The following CIT variants were observed in gnomAD, a reference collection of about 807,000 sequenced individuals.
CIT encodes citron rho-interacting serine/threonine kinase, also known as citron Rho-interacting kinase.
Under a neutral mutation model 272.7 loss-of-function variants are expected in CIT, and 79 were observed. That is an observed-to-expected ratio of 0.29 (90% CI 0.24 to 0.35). The LOEUF is 0.35. Among genes scored for constraint, CIT ranks in the 10% least tolerant of loss-of-function variants. CIT has a pLI of 1.00. For missense variants in CIT, 1,909 were observed against 2,618.3 expected (o/e 0.73, Z 5.91); for synonymous variants, 948 against 995.6 (o/e 0.95, Z 0.90).
Position 119,804,605 on chromosome 12 carries a change from G to T in CIT, c.1112-1216C>A. On this transcript the variant is annotated intron_variant, in intron 9 of 47. Coordinates refer to ENST00000392521, the MANE Select transcript of CIT (RefSeq NM_001206999.2). This position sits in a 1 kb window ranked among gnomAD's most constrained non-coding sequence, Gnocchi z 5.3. ...TTTAACTCCTCGTTTTCTGGACAAA[G>T]CTGGGTGCCAGATATGAGCAGCAAG... 1.9e-6 allele frequency: 1 copy of T among 514,382 alleles called. No homozygotes were observed. Among genetic ancestry groups the T allele is most frequent in the Non-Finnish European group, 2.5e-6 (1 of 399,388 alleles). 31.9% of individuals were successfully genotyped at this position (514,382 alleles called of 1,614,324 possible).
chr12:119,817,893 T>C (rs929967629), intron 9 of CIT, among the ~76,000 whole-genome samples: 1 of 150,470 alleles, frequency 6.6e-6, no homozygotes, highest in Non-Finnish European at 1.5e-5. Context: ...TGGGCAAAGA[T>C]GGCAAGACTC....
chr12:119,687,991 G>A lies in CIT; in HGVS notation c.*241C>T. On this transcript the variant is annotated 3_prime_UTR_variant, in exon 48 of 48. Coordinates refer to ENST00000392521, the MANE Select transcript of CIT (RefSeq NM_001206999.2). ...GTGAATGCTTTGAAAGAGTAACAAA[G>A]TGCAAAGAGATGACTGCAGGGAGGT... 1.7e-6 allele frequency: 1 copy of A among 575,020 alleles called. No homozygotes were observed. Among genetic ancestry groups the A allele is most frequent in the Middle Eastern group, 4.6e-4 (1 of 2,178 alleles). 35.6% of individuals were successfully genotyped at this position (575,020 alleles called of 1,614,324 possible).
chr12:119,832,954 T>C, intron 6 of CIT, 90 bp from the exon 7 acceptor site: 2 of 915,168 alleles, frequency 2.2e-6, no homozygotes, highest in Non-Finnish European at 3.6e-6. Flanking sequence ...CAAAAATCTT[T>C]GTTTATGTAT....
At chr12:119,705,867 A>T (rs560655287) in intron 40 of CIT, among the ~76,000 whole-genome samples, 4 of 150,204 alleles carry the variant, frequency 2.7e-5, no homozygotes, top group African/African-American at 9.8e-5. Flanking sequence ...AGGTGGGTGG[A>T]TCACTTGAGG....
At chr12:119,744,338 AAACCCAAATAAGAACCCAG>A (rs1959177253) in intron 23 of CIT, among the ~76,000 whole-genome samples, 2 of 152,084 alleles carry the variant, frequency 1.3e-5, no homozygotes, top group South Asian at 4.1e-4. Flanking sequence ...TTATGTATGA[AAACCCAAATAAGAACCCAG>A]AACCCAGTTT....
Position 119,804,139 on chromosome 12 carries a change from CG to C in CIT, c.1112-751del, listed in dbSNP as rs1966441786. 1 of 984,394 alleles carries C rather than the reference CG, an allele frequency of 1.0e-6. No individual in the cohort carries two copies. Among genetic ancestry groups the C allele is most frequent in the Admixed American group, 6.2e-5 (1 of 16,258 alleles). The allele number at this position is 984,394 out of a possible 1,614,324, so 61.0% of individuals were successfully genotyped here. A position where few individuals can be genotyped will look rare whatever the true frequency, so the allele number is the denominator to read the frequency against. ...CCTGCGCGCTGACGGTGGGAATGCACGGATGGACATATGCGGCTCCTACCTC... is the reference window on the plus strand; with the variant it reads ...CCTGCGCGCTGACGGTGGGAATGCACGATGGACATATGCGGCTCCTACCTC... On this transcript the variant is annotated intron_variant, in intron 9 of 47. Coordinates refer to ENST00000392521, the MANE Select transcript of CIT (RefSeq NM_001206999.2). This position sits in a 1 kb window ranked among gnomAD's most constrained non-coding sequence, Gnocchi z 5.3.
At chr12:119,789,758 G>A (rs369611247) in intron 10 of CIT, among the ~76,000 whole-genome samples, 495 of 152,212 alleles carry the variant, frequency 3.3e-3, no homozygotes, top group African/African-American at 0.011. Context: ...CCAGGCTGGA[G>A]TGCAGTGGCA....
intron 9 of CIT, among the ~76,000 whole-genome samples, chr12:119,808,525 TA>T (rs536884755): frequency 1.4e-3 from 201 of 145,722 alleles, no homozygotes; most frequent in Non-Finnish European, 1.3e-3. Context: ...ACTAGCATAT[TA>T]AAAAAAAAAA....
intron 5 of CIT, among the ~76,000 whole-genome samples, chr12:119,836,764 C>T (rs76985858): frequency 6.6e-6 from 1 of 152,134 alleles, no homozygotes; most frequent in Non-Finnish European, 1.5e-5. Context: ...AGAGCAGCCA[C>T]CGGCAACTCT....
At chr12:119,758,784 G>T in intron 20 of CIT, 84 bp from the exon 21 acceptor site, 1 of 896,284 alleles carries the variant, frequency 1.1e-6, no homozygotes, top group Non-Finnish European at 1.9e-6. Flanking sequence ...AGTTTCATCT[G>T]AAATGACGGC....
At chr12:119,842,942 T>A (rs1462576441) in intron 5 of CIT, among the ~76,000 whole-genome samples, 2 of 152,180 alleles carry the variant, frequency 1.3e-5, no homozygotes, top group Admixed American at 1.3e-4. Context: ...TCTCCCTTTA[T>A]GGATGAAGTA....
At chr12:119,850,523 G>A (rs1047609160) in intron 4 of CIT, among the ~76,000 whole-genome samples, 2 of 151,252 alleles carry the variant, frequency 1.3e-5, no homozygotes, top group African/African-American at 4.9e-5. Context: ...GAAGGGGAAG[G>A]GAAGGGAAAG....
rs758225916 is a variant in CIT, at chr12:119,697,620, C to T, written c.5882+39G>A. The T allele has an allele frequency of 2.3e-5, 37 of 1,591,970 alleles. No homozygotes were observed. Among genetic ancestry groups the T allele is most frequent in the Non-Finnish European group, 2.8e-5 (33 of 1,169,234 alleles). Reference sequence around the variant, plus strand: ...CTTCCTTCTGCCTTGCAGAAAAGCACGTTGCCCCTGGTACTGAGGAAGAGG... The same window carrying T: ...CTTCCTTCTGCCTTGCAGAAAAGCATGTTGCCCCTGGTACTGAGGAAGAGG... On this transcript the variant is annotated intron_variant, in intron 46 of 47. Coordinates refer to ENST00000392521, the MANE Select transcript of CIT (RefSeq NM_001206999.2). This position sits in a 1 kb window ranked among gnomAD's most constrained non-coding sequence, Gnocchi z 4.9.
At chr12:119,781,573 T>C (rs1482491479) in intron 13 of CIT, among the ~76,000 whole-genome samples, 2 of 152,244 alleles carry the variant, frequency 1.3e-5, no homozygotes, top group African/African-American at 4.8e-5. Flanking sequence ...AAAGTCTCTA[T>C]TTACAGTTTT....
chr12:119,718,389 C>G lies in CIT; in HGVS notation c.4024G>C (p.Asp1342His). Reference sequence around the variant, plus strand: ...GCTGGCGTGGATGGGTGTGGGTGGTCCGTTGCTTTGCGGTGGGCAGCTGCA... The same window carrying G: ...GCTGGCGTGGATGGGTGTGGGTGGTGCGTTGCTTTGCGGTGGGCAGCTGCA... ...REEAAHRKATDHPHPSTPATA... is the reference protein window; with the variant it reads ...REEAAHRKATHHPHPSTPATA... Residue 1342 changes from aspartate to histidine, a missense_variant, in exon 32 of 48, where the codon GAC becomes CAC. Physicochemically the swap from Asp to His is moderately conservative, Grantham distance 81. Transcript: ENST00000392521. This position sits in a 1 kb window ranked among gnomAD's most constrained non-coding sequence, Gnocchi z 4.8. 1 of 1,613,066 alleles carries G rather than the reference C, an allele frequency of 6.2e-7. No homozygotes were observed. Among genetic ancestry groups the G allele is most frequent in the Non-Finnish European group, 8.5e-7 (1 of 1,179,606 alleles).
intron 3 of CIT, among the ~76,000 whole-genome samples, chr12:119,868,757 T>A (rs973958418): frequency 2.0e-5 from 3 of 152,128 alleles, no homozygotes; most frequent in African/African-American, 7.2e-5. Flanking sequence ...AAGCTGGTCT[T>A]GAACTCCTGG....
chr12:119,850,264 A>C lies in CIT; in HGVS notation c.426T>G (p.Phe142Leu), dbSNP rs1439753035. The C allele has an allele frequency of 6.2e-7, 1 of 1,611,076 alleles. No homozygotes were observed. The highest frequency in any genetic ancestry group is 1.1e-5 in the South Asian group (1 of 90,962). ...ALLAQEQVSF[F>L]EEERNILSRS... ...GAGATAATATGTTCCGCTCTTCCTC[A>C]AAAAATGAAACCTAGGGAAAAAAGA... Residue 142 changes from phenylalanine (F) to leucine (L), a missense_variant, in exon 5 of 48, where the codon TTT (phenylalanine) becomes TTG (leucine). Physicochemically the swap from Phe to Leu is conservative, Grantham distance 22. Around this residue, in one of 8 missense-constraint regions of CIT, gnomAD observed 529 missense variants for 549.6 expected, o/e 0.96. Transcript: ENST00000392521.
At chr12:119,844,294 T>C (rs1379685358) in intron 5 of CIT, among the ~76,000 whole-genome samples, 1 of 152,086 alleles carries the variant, frequency 6.6e-6, no homozygotes, top group Non-Finnish European at 1.5e-5. Flanking sequence ...AGTGCTGGGA[T>C]TACAGGTATA....
chr12:119,756,319 A>G (rs1453217534), intron 22 of CIT, among the ~76,000 whole-genome samples: 1 of 152,222 alleles, frequency 6.6e-6, no homozygotes, highest in African/African-American at 2.4e-5. Flanking sequence ...GGGATCTATT[A>G]AAGCAAGAAC....
Sources: allele counts gnomAD v4.1 joint callset (sites outside exome capture counted in the v4.1 genomes callset), GRCh38; gene constraint gnomAD v4.1.1; regional missense constraint gnomAD v4.1.1; non-coding constraint Gnocchi (gnomAD v3.1); transcripts MANE v1.5; gene names NCBI Gene and HGNC (gene_info 2026-07-23, HGNC 2026-07-21).